The following AGBL1 variants were observed in gnomAD, a reference collection of about 807,000 sequenced individuals.
AGBL1 encodes AGBL carboxypeptidase 1, also known as cytosolic carboxypeptidase 4.
A neutral mutation model predicts 118.9 loss-of-function variants in AGBL1; 130 were observed. That is an observed-to-expected ratio of 1.09 (90% CI 0.95 to 1.26). AGBL1 has a LOEUF of 1.26. AGBL1 is among the 50% of genes most tolerant of loss of function. The pLI is 0.00. For missense variants in AGBL1, 1,584 were observed against 1,298.1 expected, an observed-to-expected ratio of 1.22 and a Z score of -3.38; for synonymous variants, 555 against 478.9, an observed-to-expected ratio of 1.16 and a Z score of -2.08.
Position 86,518,100 on chromosome 15 carries a change from CT to C in AGBL1, c.2556-4709del, listed in dbSNP as rs2083144116. Among the ~76,000 whole-genome samples the C allele has an allele frequency of 2.0e-5, 3 of 152,288 alleles. No homozygotes were observed. In the East Asian group the frequency reaches 5.8e-4, roughly 30 times the overall value. On this transcript the variant is annotated intron_variant, in intron 18 of 22. Transcript: ENST00000614907. The stretch of plus-strand genomic sequence containing the variant: ...ATTCAGTCTGATGGGCTCTATCCCT[CT>C]GTTTTTCAGTCATGGACGGATGGGA...
At chr15:86,768,226 A>G (rs1342937571) in intron 22 of AGBL1, among the ~76,000 whole-genome samples, 1 of 151,956 alleles carries the variant, frequency 6.6e-6, no homozygotes, top group Non-Finnish European at 1.5e-5. Context: ...TTTTTCTCCA[A>G]TTTAGTTTTA....
chr15:86,882,514 C>G (rs2079909567), intron 22 of AGBL1, among the ~76,000 whole-genome samples: 1 of 152,140 alleles, frequency 6.6e-6, no homozygotes, highest in Non-Finnish European at 1.5e-5. Context: ...TTAGATAAAT[C>G]ACTCACCTTT....
At chr15:86,683,713 C>T (rs1429209213) in intron 22 of AGBL1, among the ~76,000 whole-genome samples, 1 of 152,166 alleles carries the variant, frequency 6.6e-6, no homozygotes, top group East Asian at 1.9e-4. Context: ...AAGAAACTCA[C>T]TCTTACTACT....
intron 24 of AGBL1, among the ~76,000 whole-genome samples, chr15:87,006,917 G>A (rs1273880204): frequency 1.3e-5 from 2 of 152,146 alleles, no homozygotes; most frequent in African/African-American, 4.8e-5. Context: ...CATGGGTGAG[G>A]AGTGAGACAG....
At chr15:86,563,819 A>T (rs11073646) in intron 21 of AGBL1, among the ~76,000 whole-genome samples, 90,118 of 151,906 alleles carry the variant, frequency 0.59, 27,154 homozygotes, top group East Asian at 0.89. Context: ...GTGCTCCTGT[A>T]TTGGGTGCAT....
rs554341064 is a variant in AGBL1, at chr15:87,003,189, G to T, written c.3323+15101G>T. 4.0e-5 allele frequency among the ~76,000 whole-genome samples: 5 copies of T among 124,678 alleles called. No individual in the cohort carries two copies. The East Asian group carries it at 9.8e-4, about 25-fold the overall frequency. The allele number at this position is 124,678 out of a possible 152,430, so 81.8% of individuals were successfully genotyped here. On this transcript the variant is annotated intron_variant, in intron 24 of 24. Transcript: ENST00000441037. The stretch of plus-strand genomic sequence containing the variant: ...TTTATTGAGAGTTTTTAGTATGAAG[G>T]GCTGTTGAATTTTGTCAAAGGCCTT...
At chr15:87,004,366 G>A (rs577745310) in intron 24 of AGBL1, among the ~76,000 whole-genome samples, 17 of 152,238 alleles carry the variant, frequency 1.1e-4, no homozygotes, top group East Asian at 3.9e-4. Context: ...ATGAATCTGC[G>A]TTCTCCTGTA....
intron 17 of AGBL1, among the ~76,000 whole-genome samples, chr15:86,337,761 T>C (rs751363722): frequency 6.6e-6 from 1 of 152,148 alleles, no homozygotes; most frequent in Non-Finnish European, 1.5e-5. Flanking sequence ...ATGCTGGGTT[T>C]AATACCTAGG....
chr15:86,125,059 C>T (rs1898333932), intron 1 of AGBL1, among the ~76,000 whole-genome samples: 1 of 152,172 alleles, frequency 6.6e-6, no homozygotes, highest in Non-Finnish European at 1.5e-5. Flanking sequence ...GCTTGTCTAG[C>T]CAACCCACAT....
At chr15:86,386,420 G>T (rs2081196952) in intron 17 of AGBL1, among the ~76,000 whole-genome samples, 1 of 149,890 alleles carries the variant, frequency 6.7e-6, no homozygotes, top group South Asian at 2.2e-4. Flanking sequence ...GACGAGGGGT[G>T]GATTATTTGT....
chr15:86,745,425 T>C (rs8036532), intron 22 of AGBL1, among the ~76,000 whole-genome samples: 85,244 of 151,844 alleles, frequency 0.56, 24,410 homozygotes, highest in East Asian at 0.67. Context: ...GTTTTAAACA[T>C]GCATCTATGC....
At chr15:86,345,037 C>T (rs1368199132) in intron 17 of AGBL1, among the ~76,000 whole-genome samples, 1 of 152,136 alleles carries the variant, frequency 6.6e-6, no homozygotes, top group East Asian at 1.9e-4. Context: ...TTGAGCACCT[C>T]TTCTTTTTCA....
chr15:86,801,311 A>ATCTG (rs755778358), intron 22 of AGBL1, among the ~76,000 whole-genome samples: 28 of 8,280 alleles, frequency 3.4e-3, no homozygotes, highest in African/African-American at 0.014. Context: ...TGATGATTAC[A>ATCTG]TCTATCTATC....
chr15:86,970,392 C>G (rs1346288858), intron 23 of AGBL1, among the ~76,000 whole-genome samples: 3 of 151,892 alleles, frequency 2.0e-5, no homozygotes, highest in Admixed American at 1.3e-4. Flanking sequence ...ATATCAGGCA[C>G]TTTACTATGT....
At chr15:86,804,153 A>T (rs2078687977) in intron 22 of AGBL1, among the ~76,000 whole-genome samples, 1 of 152,118 alleles carries the variant, frequency 6.6e-6, no homozygotes, top group Non-Finnish European at 1.5e-5. Context: ...TTAAGAGTAA[A>T]TATGAAAGGA....
Position 86,546,013 on chromosome 15 carries a change from C to T in AGBL1, c.2697C>T (p.Asp899=), listed in dbSNP as rs749915850. ...SIGRSPVVFC[D]FHGHSQKKNV... ...TTGGGCTATTGTAGGTTTTCTGTGA[C>T]TTCCATGGCCACTCCCAAAAGAAGA... Residue 899 remains aspartate, a synonymous_variant, in exon 20 of 23, where the codon GAC becomes GAT. Coordinates refer to ENST00000614907, the MANE Select transcript of AGBL1 (RefSeq NM_001386094.1). 8.7e-6 allele frequency: 14 copies of T among 1,612,802 alleles called. 1 individual carries two copies. The East Asian group carries it at 1.3e-4, about 15-fold the overall frequency.
chr15:86,095,627 T>C (rs1896317596), intron 1 of AGBL1, among the ~76,000 whole-genome samples: 1 of 148,956 alleles, frequency 6.7e-6, no homozygotes, highest in African/African-American at 2.5e-5. Flanking sequence ...CATATCATAA[T>C]GTCACATGAC....
At chr15:86,712,441 A>C (rs914868612) in intron 22 of AGBL1, among the ~76,000 whole-genome samples, 1 of 152,106 alleles carries the variant, frequency 6.6e-6, no homozygotes, top group Non-Finnish European at 1.5e-5. Context: ...CACAGAATAA[A>C]CACTGAGAGA....
intron 18 of AGBL1, among the ~76,000 whole-genome samples, chr15:86,490,235 C>A (rs1596182570): frequency 6.6e-6 from 1 of 152,148 alleles, no homozygotes; most frequent in South Asian, 2.1e-4. Flanking sequence ...TGGGTCCCTC[C>A]CCTTGCTCTT....
Sources: gnomAD v4.1 joint callset for allele counts (sites outside exome capture counted in the v4.1 genomes callset) on GRCh38, gnomAD v4.1.1 for gene constraint, MANE v1.5 for transcripts, NCBI Gene and HGNC (gene_info 2026-07-23, HGNC 2026-07-21) for gene names.